The following MECOM variants were observed in gnomAD, a reference collection of about 807,000 sequenced individuals.
MECOM encodes the protein MDS1 and EVI1 complex locus, also known as histone-lysine N-methyltransferase MECOM.
In MECOM, 13 loss-of-function variants were observed where a neutral mutation model predicts 116.3. The ratio of observed to expected loss-of-function variants is 0.11; its 90% CI spans 0.07 to 0.18. The LOEUF is 0.18. Ranked by LOEUF, MECOM falls within the 10% of genes least tolerant of loss-of-function variation. The pLI, the probability that MECOM is intolerant of heterozygous loss-of-function variation, is 1.00. For missense variants in MECOM, 1,299 were observed against 1,509.0 expected (o/e 0.86, Z 2.31); for synonymous variants, 528 against 535.2 (o/e 0.99, Z 0.19).
intron 1 of MECOM, among the ~76,000 whole-genome samples, chr3:169,532,733 C>T (rs535945722): frequency 1.4e-4 from 22 of 152,242 alleles, no homozygotes; most frequent in African/African-American, 5.3e-4. Context: ...TCGCTGGCTC[C>T]TCAGTTGCTT....
At chr3:169,437,956 G>A (rs893052651) in intron 1 of MECOM, among the ~76,000 whole-genome samples, 2 of 152,178 alleles carry the variant, frequency 1.3e-5, no homozygotes, top group Non-Finnish European at 2.9e-5. Flanking sequence ...CTCCAGGAAA[G>A]TATACGACAC....
chr3:169,447,327 G>A (rs775877989), intron 1 of MECOM, among the ~76,000 whole-genome samples: 3 of 152,102 alleles, frequency 2.0e-5, no homozygotes, highest in Non-Finnish European at 2.9e-5. Flanking sequence ...AGGCAAAGCA[G>A]GCATTTTGTA....
chr3:169,651,206 A>C (rs1218940126), intron 1 of MECOM, among the ~76,000 whole-genome samples: 1 of 152,186 alleles, frequency 6.6e-6, no homozygotes, highest in Non-Finnish European at 1.5e-5. Context: ...AATTTTGCTG[A>C]AAGTTTTAAT....
At chr3:169,310,958 A>T (rs964835634) in intron 2 of MECOM, among the ~76,000 whole-genome samples, 1 of 152,202 alleles carries the variant, frequency 6.6e-6, no homozygotes, top group Non-Finnish European at 1.5e-5. Flanking sequence ...CTAAATGATA[A>T]ATTAAATTAC....
At chr3:169,419,034 A>C (rs1417433954) in intron 1 of MECOM, among the ~76,000 whole-genome samples, 1 of 152,248 alleles carries the variant, frequency 6.6e-6, no homozygotes, top group Non-Finnish European at 1.5e-5. Context: ...GCTGATAAGC[A>C]AATTTAGCAA....
At chr3:169,214,513 A>C (rs1255883896) in intron 2 of MECOM, among the ~76,000 whole-genome samples, 1 of 151,676 alleles carries the variant, frequency 6.6e-6, no homozygotes, top group Non-Finnish European at 1.5e-5. Flanking sequence ...TATAGCTTTC[A>C]GAAGCTCTTG....
At chr3:169,307,240 C>A (rs1323677680) in intron 2 of MECOM, among the ~76,000 whole-genome samples, 1 of 152,182 alleles carries the variant, frequency 6.6e-6, no homozygotes, top group Non-Finnish European at 1.5e-5. Context: ...TACCATCACT[C>A]TAGTTACAGC....
At chr3:169,398,757 T>C (rs984447982) in intron 1 of MECOM, among the ~76,000 whole-genome samples, 2 of 152,160 alleles carry the variant, frequency 1.3e-5, no homozygotes, top group Admixed American at 6.5e-5. Context: ...CTGTGAACCT[T>C]ACTGCTTGAT....
chr3:169,456,193 C>T (rs1746458613), intron 1 of MECOM, among the ~76,000 whole-genome samples: 1 of 152,120 alleles, frequency 6.6e-6, no homozygotes, highest in Non-Finnish European at 1.5e-5. Flanking sequence ...TTCCCTGTGA[C>T]CCACCACTAC....
intron 1 of MECOM, among the ~76,000 whole-genome samples, chr3:169,544,136 A>C (rs1760432825): frequency 6.6e-6 from 1 of 152,066 alleles, no homozygotes; most frequent in Admixed American, 6.6e-5. Flanking sequence ...GCTGCTCTTT[A>C]TTTTGATTGT....
chr3:169,242,042 G>T (rs987094352), intron 2 of MECOM, among the ~76,000 whole-genome samples: 28 of 152,146 alleles, frequency 1.8e-4, no homozygotes, highest in Non-Finnish European at 1.2e-4. Flanking sequence ...TGATCTGTCG[G>T]CTAACTGAGC....
intron 2 of MECOM, among the ~76,000 whole-genome samples, chr3:169,348,071 C>A (rs1725669123): frequency 6.6e-6 from 1 of 151,896 alleles, no homozygotes; most frequent in South Asian, 2.1e-4. Context: ...AGACACTGAG[C>A]CTTAAAAAAA....
chr3:169,352,981 T>C (rs1418828440), intron 2 of MECOM, among the ~76,000 whole-genome samples: 1 of 151,922 alleles, frequency 6.6e-6, no homozygotes, highest in African/African-American at 2.4e-5. Context: ...ACCAAAACTA[T>C]GCTGATGTGA....
rs569900147 is a variant in MECOM, at chr3:169,362,258, T to A, written c.375+18929A>T. Among the ~76,000 whole-genome samples, 16 of 152,000 alleles carry A rather than the reference T, an allele frequency of 1.1e-4. No homozygotes were observed. The South Asian group carries it at 3.3e-3, about 32-fold the overall frequency. ...CAATAAATTAAAACCTCCAAAACCA[T>A]GACAATATAGAACATGTCCATAAAG... is the stretch of plus-strand genomic sequence containing the variant. On this transcript the variant is annotated intron_variant, in intron 2 of 16. Coordinates refer to ENST00000651503, the MANE Select transcript of MECOM (RefSeq NM_004991.4).
intron 1 of MECOM, among the ~76,000 whole-genome samples, chr3:169,415,691 C>G (rs1011165362): frequency 1.3e-5 from 2 of 151,690 alleles, no homozygotes; most frequent in Non-Finnish European, 2.9e-5. Context: ...GGAATATTTA[C>G]CAAGCCAATG....
intron 1 of MECOM, among the ~76,000 whole-genome samples, chr3:169,499,292 T>C (rs1754224076): frequency 8.2e-6 from 1 of 122,184 alleles, no homozygotes; most frequent in Non-Finnish European, 1.6e-5. Context: ...CTTCAAAAGG[T>C]CCAGGATACA....
intron 1 of MECOM, among the ~76,000 whole-genome samples, chr3:169,410,692 A>G (rs1737418722): frequency 6.6e-6 from 1 of 152,134 alleles, no homozygotes; most frequent in Non-Finnish European, 1.5e-5. Flanking sequence ...TAAATATCTC[A>G]TCACAAACTA....
intron 1 of MECOM, among the ~76,000 whole-genome samples, chr3:169,577,818 G>T (rs1764689490): frequency 6.6e-6 from 1 of 152,116 alleles, no homozygotes. Flanking sequence ...TTCTACAGAG[G>T]ACCTGGAGGA....
intron 1 of MECOM, chr3:169,623,892 A>G (rs900839185): frequency 6.6e-6 from 1 of 152,232 alleles, no homozygotes; most frequent in African/African-American, 2.4e-5. Flanking sequence ...ATTCCTTAAC[A>G]TATTTCCCAC....
Sources: allele counts gnomAD v4.1 joint callset (sites outside exome capture counted in the v4.1 genomes callset), GRCh38; gene constraint gnomAD v4.1.1; transcripts MANE v1.5; gene names NCBI Gene and HGNC (gene_info 2026-07-23, HGNC 2026-07-21).